GOLM2: variants seen among roughly 807,000 people sequenced by gnomAD.
The protein encoded by GOLM2 is golgi membrane protein 2.
In GOLM2, 26 loss-of-function variants were observed where a neutral mutation model predicts 55.9. The ratio of observed to expected loss-of-function variants is 0.47; its 90% confidence interval spans 0.34 to 0.65. The LOEUF is 0.65. Ranked by LOEUF, GOLM2 falls within the 30% of genes least tolerant of loss-of-function variation. The pLI is 0.01. For synonymous variants in GOLM2, 165 were observed against 194.6 expected, an observed-to-expected ratio of 0.85 and a Z score of 1.27; for missense variants, 486 against 531.8, an observed-to-expected ratio of 0.91 and a Z score of 0.85.
At chr15:44,383,021 G>A (rs1344865557) in intron 8 of GOLM2, among the ~76,000 whole-genome samples, 1 of 150,694 alleles carries the variant, frequency 6.6e-6, no homozygotes, top group Admixed American at 6.6e-5. Context: ...TGAAATCAAT[G>A]CATGCACAAT....
chr15:44,391,708 A>T (rs189093737), intron 8 of GOLM2, among the ~76,000 whole-genome samples: 1 of 152,314 alleles, frequency 6.6e-6, no homozygotes, highest in African/African-American at 2.4e-5. Context: ...GAAATGGCCA[A>T]TGTCCTAGAA....
At chr15:44,398,926 C>CGTAA in intron 8 of GOLM2, among the ~76,000 whole-genome samples, 1 of 152,016 alleles carries the variant, frequency 6.6e-6, no homozygotes. Flanking sequence ...CCTCGGCCTC[C>CGTAA]CAAAATTCTG....
At chr15:44,355,709 C>T (rs1394096092) in intron 6 of GOLM2, 4 of 193,308 alleles carry the variant, frequency 2.1e-5, no homozygotes, top group East Asian at 1.6e-4. Context: ...TCCGGACTAC[C>T]AGCCCTAGTG....
chr15:44,295,723 G>C (rs923009053), intron 1 of GOLM2, among the ~76,000 whole-genome samples: 1 of 152,130 alleles, frequency 6.6e-6, no homozygotes, highest in African/African-American at 2.4e-5. Context: ...CCCTCTGTAT[G>C]CACACATCCT....
intron 1 of GOLM2, among the ~76,000 whole-genome samples, chr15:44,297,650 C>T (rs1321378628): frequency 1.3e-5 from 2 of 151,696 alleles, no homozygotes; most frequent in Non-Finnish European, 2.9e-5. Flanking sequence ...CAAGCTCCGC[C>T]TCCCGGGTTC....
chr15:44,366,229 G>A (rs1223992454), intron 6 of GOLM2, among the ~76,000 whole-genome samples: 1 of 150,388 alleles, frequency 6.6e-6, no homozygotes, highest in Non-Finnish European at 1.5e-5. Context: ...CCCAGGAGGC[G>A]GAGCTTGCAG....
At chr15:44,310,500 A>C (rs199906686) in intron 1 of GOLM2, among the ~76,000 whole-genome samples, 12 of 134,584 alleles carry the variant, frequency 8.9e-5, no homozygotes, top group Admixed American at 1.4e-4. Flanking sequence ...ACACACACAC[A>C]CCCACACACA....
chr15:44,385,741 G>T (rs2079439942), intron 8 of GOLM2, among the ~76,000 whole-genome samples: 1 of 151,896 alleles, frequency 6.6e-6, no homozygotes, highest in Admixed American at 6.6e-5. Context: ...TAGCTTTTGT[G>T]GAGATGGGGT....
At chr15:44,373,321 G>A (rs533581418) in intron 6 of GOLM2, among the ~76,000 whole-genome samples, 56 of 152,042 alleles carry the variant, frequency 3.7e-4, no homozygotes, top group Non-Finnish European at 6.9e-4. Context: ...GCCGGGCGCA[G>A]TGGCGGGCGC....
chr15:44,408,846 C>T (rs2004646), intron 9 of GOLM2, among the ~76,000 whole-genome samples: 1 of 152,162 alleles, frequency 6.6e-6, no homozygotes, highest in South Asian at 2.1e-4. Flanking sequence ...AGCCTGTAGT[C>T]CCAGCTACTG....
chr15:44,347,127 AAAAAAG>A (rs2079130733), intron 6 of GOLM2, among the ~76,000 whole-genome samples: 1 of 151,006 alleles, frequency 6.6e-6, no homozygotes, highest in South Asian at 2.1e-4. Flanking sequence ...CTGTCTAAAC[AAAAAAG>A]AGAGAGAGAG....
chr15:44,340,900 A>G (rs976623399), intron 6 of GOLM2, among the ~76,000 whole-genome samples: 18 of 152,056 alleles, frequency 1.2e-4, no homozygotes, highest in African/African-American at 4.1e-4. Context: ...ACTATACCCA[A>G]AGTTTTGTCA....
Position 44,331,975 on chromosome 15 carries a change from CTT to C in GOLM2, c.486-11_486-10del. On this transcript the variant is annotated splice_polypyrimidine_tract_variant and intron_variant, in intron 3 of 9. Coordinates refer to ENST00000299957, the MANE Select transcript of GOLM2 (RefSeq NM_138423.4). ...AAGATAATATAATCTAAAAGAATGA[CTT>C]TGTAATTTAGTTTTCAGTGTGGACA... 6.5e-7 allele frequency: 1 copy of C among 1,545,078 alleles called. No homozygotes were observed. The highest frequency in any genetic ancestry group is 2.3e-5 in the East Asian group (1 of 44,056).
chr15:44,393,213 A>G (rs1448115718), intron 8 of GOLM2, among the ~76,000 whole-genome samples: 1 of 152,222 alleles, frequency 6.6e-6, no homozygotes, highest in Non-Finnish European at 1.5e-5. Context: ...ATTTCTGTAT[A>G]TAGCAGCAGT....
At position 44,379,802 on chromosome 15, in the gene GOLM2, T is replaced by C; in HGVS notation, c.901+14T>C. 2.0e-6 allele frequency: 3 copies of C among 1,504,554 alleles called. No individual in the cohort carries two copies. Among genetic ancestry groups the C allele is most frequent in the Non-Finnish European group, 2.8e-6 (3 of 1,081,486 alleles). 93.2% of individuals were successfully genotyped at this position (1,504,554 alleles called of 1,614,324 possible). A position where few individuals can be genotyped will look rare whatever the true frequency, so the allele number is the denominator to read the frequency against. On this transcript the variant is annotated intron_variant, in intron 7 of 9. Transcript: ENST00000299957. ...ATATGCCTCCAGGTATGAAGGCTTA[T>C]GCTTATAATTCCATTTGAAACCAAC...
At chr15:44,311,260 G>A (rs1466151631) in intron 1 of GOLM2, among the ~76,000 whole-genome samples, 2 of 152,134 alleles carry the variant, frequency 1.3e-5, no homozygotes, top group Non-Finnish European at 2.9e-5. Flanking sequence ...CTATTTTAGA[G>A]CTTAGTGGGG....
At chr15:44,365,512 C>T (rs2079277607) in intron 6 of GOLM2, among the ~76,000 whole-genome samples, 1 of 151,822 alleles carries the variant, frequency 6.6e-6, no homozygotes, top group African/African-American at 2.4e-5. Context: ...GAGTAAGAAC[C>T]TGTGTCAAAA....
chr15:44,314,193 C>T (rs1318383136), intron 1 of GOLM2, among the ~76,000 whole-genome samples: 5 of 150,648 alleles, frequency 3.3e-5, no homozygotes, highest in Admixed American at 6.6e-5. Flanking sequence ...GCTGAGATCG[C>T]GCCACTGCAC....
chr15:44,309,248 AC>A (rs1485317104), intron 1 of GOLM2, among the ~76,000 whole-genome samples: 1 of 152,208 alleles, frequency 6.6e-6, no homozygotes, highest in Non-Finnish European at 1.5e-5. Flanking sequence ...TAAAAATAGA[AC>A]TATATTATGA....
Sources: allele counts gnomAD v4.1 joint callset (sites outside exome capture counted in the v4.1 genomes callset), GRCh38; gene constraint gnomAD v4.1.1; transcripts MANE v1.5; gene names NCBI Gene and HGNC (gene_info 2026-07-23, HGNC 2026-07-21).